The following COL8A1 variants were observed in gnomAD, a reference collection of about 807,000 sequenced individuals.
The protein encoded by COL8A1 is collagen type VIII alpha 1 chain, also known as collagen alpha-1(VIII) chain.
COL8A1 carries 21 observed loss-of-function variants against 42.7 expected under a neutral mutation model. The ratio of observed to expected loss-of-function variants is 0.49; its 90% CI spans 0.35 to 0.71. The LOEUF is 0.71. COL8A1 is among the 30% of genes least tolerant of loss of function. COL8A1 has a pLI of 0.01. For synonymous variants in COL8A1, 367 were observed against 369.1 expected (o/e 0.99, Z 0.06); for missense variants, 788 against 962.4 (o/e 0.82, Z 2.40).
At chr3:99,787,860 A>ACACACACACACACACACACCCACACC (rs1576476993) in intron 2 of COL8A1, among the ~76,000 whole-genome samples, 1 of 150,780 alleles carries the variant, frequency 6.6e-6, no homozygotes, top group East Asian at 1.9e-4. Flanking sequence ...ACACAAATAC[A>ACACACACACACACACACACCCACACC]CACACACACA....
intron 1 of COL8A1, among the ~76,000 whole-genome samples, chr3:99,733,769 T>G (rs1940605155): frequency 6.6e-6 from 1 of 151,430 alleles, no homozygotes; most frequent in Non-Finnish European, 1.5e-5. Flanking sequence ...CCACCAACAG[T>G]GTAAAAGTGT....
chr3:99,654,130 C>T (rs1025109726), intron 1 of COL8A1, among the ~76,000 whole-genome samples: 5 of 152,160 alleles, frequency 3.3e-5, no homozygotes, highest in African/African-American at 1.2e-4. Flanking sequence ...GGGCAGAAAG[C>T]ATCCAACACA....
chr3:99,642,953 CTTA>C (rs1937533825), intron 1 of COL8A1, among the ~76,000 whole-genome samples: 1 of 152,118 alleles, frequency 6.6e-6, no homozygotes, highest in Admixed American at 6.5e-5. Flanking sequence ...TTATCCAGTA[CTTA>C]TTATAACTTC....
At position 99,729,781 on chromosome 3, in the gene COL8A1, C is replaced by T. The variant is rs1226040207; in HGVS notation, c.-128-15116C>T. ...TCTCCCCACCCCTTCCTCTAGCTCT[C>T]CAAGCATGATAAGAAGCATGAAACC... On this transcript the variant is annotated intron_variant, in intron 1 of 3. Coordinates refer to ENST00000652472, the MANE Select transcript of COL8A1 (RefSeq NM_020351.4). Among the ~76,000 whole-genome samples the T allele has an allele frequency of 1.3e-5, 2 of 151,990 alleles. 1 individual carries two copies. Among genetic ancestry groups the T allele is most frequent in the South Asian group, 4.1e-4 (2 of 4,828 alleles).
intron 1 of COL8A1, among the ~76,000 whole-genome samples, chr3:99,680,826 A>T (rs994642234): frequency 8.5e-5 from 13 of 152,184 alleles, no homozygotes; most frequent in South Asian, 2.1e-4. Context: ...GCCCTCAGAA[A>T]TAATACCACA....
Position 99,794,203 on chromosome 3 carries a change from C to G in COL8A1, c.329-27C>G, listed in dbSNP as rs762811021. ...TCAATCTCTCTCTCTCCCCCCATAC[C>G]CCTTCTCTCTCTTCTCTTCCCAGTA... On this transcript the variant is annotated intron_variant, in intron 3 of 3. Coordinates refer to ENST00000652472, the MANE Select transcript of COL8A1 (RefSeq NM_020351.4). The surrounding 1 kb of genome is among the most constrained non-coding windows in gnomAD (Gnocchi z 4.3). 2 of 1,440,120 alleles carry G rather than the reference C, an allele frequency of 1.4e-6. No homozygotes were observed. Among genetic ancestry groups the G allele is most frequent in the Admixed American group, 2.2e-5 (1 of 45,236 alleles). 89.2% of individuals were successfully genotyped at this position (1,440,120 alleles called of 1,614,324 possible). A position where few individuals can be genotyped will look rare whatever the true frequency, so the allele number is the denominator to read the frequency against.
intron 1 of COL8A1, among the ~76,000 whole-genome samples, chr3:99,682,001 C>T (rs74735696): frequency 0.013 from 1,930 of 152,286 alleles, 36 homozygotes; most frequent in African/African-American, 0.044. Context: ...CCCTGAGTCT[C>T]ACATAATTAG....
At chr3:99,703,069 G>T (rs548133199) in intron 1 of COL8A1, among the ~76,000 whole-genome samples, 1 of 152,264 alleles carries the variant, frequency 6.6e-6, no homozygotes, top group African/African-American at 2.4e-5. Context: ...AAGTCAAAGA[G>T]GAATCCTCAA....
chr3:99,742,705 C>A (rs1217782721), intron 1 of COL8A1, among the ~76,000 whole-genome samples: 1 of 152,176 alleles, frequency 6.6e-6, no homozygotes, highest in Non-Finnish European at 1.5e-5. Context: ...TTCTCTGCTT[C>A]CACTATTGCA....
In COL8A1 at chr3:99,688,560, T is replaced by C. The variant is rs372308676; in HGVS notation, c.-129+49896T>C. ...TCTCAGGATCTCAAGATCCTTAACTTAATACACCTGCAAAGTCCCCTTTGC... is the reference window on the plus strand; with the variant it reads ...TCTCAGGATCTCAAGATCCTTAACTCAATACACCTGCAAAGTCCCCTTTGC... On this transcript the variant is annotated intron_variant, in intron 1 of 3. Transcript: ENST00000652472. Among the ~76,000 whole-genome samples, 106 of 152,214 alleles carry C rather than the reference T, an allele frequency of 7.0e-4. 2 individuals carry two copies. The South Asian group carries it at 0.021, about 31-fold the overall frequency.
chr3:99,794,183 C>A lies in COL8A1; in HGVS notation c.329-47C>A. On this transcript the variant is annotated intron_variant, in intron 3 of 3. Coordinates refer to ENST00000652472, the MANE Select transcript of COL8A1 (RefSeq NM_020351.4). The surrounding 1 kb of genome is among the most constrained non-coding windows in gnomAD (Gnocchi z 4.3). The stretch of plus-strand genomic sequence containing the variant: ...TGTGAGAGACAATCTACTAATCAAT[C>A]TCTCTCTCTCCCCCCATACCCCTTC... The A allele has an allele frequency of 4.3e-6, 5 of 1,165,438 alleles. No homozygotes were observed. The highest frequency in any genetic ancestry group is 6.0e-6 in the Non-Finnish European group (5 of 826,694). The allele number at this position is 1,165,438 out of a possible 1,614,324, so 72.2% of individuals were successfully genotyped here.
chr3:99,677,707 CT>C (rs1938743884), intron 1 of COL8A1: 1 of 152,094 alleles, frequency 6.6e-6, no homozygotes, highest in Non-Finnish European at 1.5e-5. Context: ...GATGAATTTG[CT>C]AGACTTCAGG....
intron 1 of COL8A1, among the ~76,000 whole-genome samples, chr3:99,708,703 C>T (rs1939751076): frequency 6.6e-6 from 1 of 152,104 alleles, no homozygotes; most frequent in Non-Finnish European, 1.5e-5. Context: ...CTGTTGACAC[C>T]TCACAGCAGA....
At chr3:99,665,935 C>T (rs1938356842) in intron 1 of COL8A1, among the ~76,000 whole-genome samples, 1 of 151,716 alleles carries the variant, frequency 6.6e-6, no homozygotes, top group Admixed American at 6.6e-5. Flanking sequence ...AAGTGATCTG[C>T]CCGCCTCGGA....
intron 3 of COL8A1, among the ~76,000 whole-genome samples, chr3:99,791,925 T>C (rs1942008092): frequency 6.6e-6 from 1 of 152,202 alleles, no homozygotes; most frequent in Non-Finnish European, 1.5e-5. Flanking sequence ...ACATAGTAAG[T>C]AAAGTGCTGA....
In COL8A1 at chr3:99,728,698, CA is replaced by C. The variant is rs1940410019; in HGVS notation, c.-128-16197del. Reference sequence around the variant, plus strand: ...TATAGTATTTAATTAATCAATTATTCAATTAATTAATTGTATGGTTAAATAT... The same window carrying C: ...TATAGTATTTAATTAATCAATTATTCATTAATTAATTGTATGGTTAAATAT... On this transcript the variant is annotated intron_variant, in intron 1 of 3. Transcript: ENST00000652472. Among the ~76,000 whole-genome samples, 3 of 151,766 alleles carry C rather than the reference CA, an allele frequency of 2.0e-5. No individual in the cohort carries two copies. In the South Asian group the frequency reaches 6.2e-4, roughly 31 times the overall value.
intron 1 of COL8A1, among the ~76,000 whole-genome samples, chr3:99,731,797 T>C (rs1333580581): frequency 1.3e-5 from 2 of 152,166 alleles, no homozygotes; most frequent in Admixed American, 6.6e-5. Flanking sequence ...GAAAGAACTT[T>C]CAGTAAATTT....
chr3:99,711,883 T>C (rs1939844716), intron 1 of COL8A1, among the ~76,000 whole-genome samples: 1 of 152,150 alleles, frequency 6.6e-6, no homozygotes, highest in East Asian at 1.9e-4. Context: ...CTAATGATGA[T>C]TTATGTCTAT....
chr3:99,699,784 C>G (rs1201954759), intron 1 of COL8A1, among the ~76,000 whole-genome samples: 2 of 152,142 alleles, frequency 1.3e-5, no homozygotes, highest in South Asian at 2.1e-4. Context: ...TCCTCTTTCT[C>G]TCTCCCCCGT....
Sources: gnomAD v4.1 joint callset for allele counts (sites outside exome capture counted in the v4.1 genomes callset) on GRCh38, gnomAD v4.1.1 for gene constraint, Gnocchi (gnomAD v3.1) non-coding constraint, MANE v1.5 for transcripts, NCBI Gene and HGNC (gene_info 2026-07-23, HGNC 2026-07-21) for gene names.